HSPA14: variants seen among roughly 807,000 people sequenced by gnomAD.
HSPA14 encodes heat shock protein family A (Hsp70) member 14.
Under a neutral mutation model 65.5 loss-of-function variants are expected in HSPA14, and 37 were observed. That is an observed-to-expected ratio of 0.56 (90% CI 0.43 to 0.74). The LOEUF (loss-of-function observed/expected upper bound fraction) is 0.74, where lower values mean the gene tolerates loss of function less well. HSPA14 is among the 30% of genes least tolerant of loss of function. The pLI, the probability that HSPA14 is intolerant of heterozygous loss-of-function variation, is 0.00. For missense variants in HSPA14, 564 were observed against 607.6 expected (o/e 0.93, Z 0.75); for synonymous variants, 203 against 214.2 (o/e 0.95, Z 0.46).
chr10:14,862,389 T>TTA (rs1832758331), intron 10 of HSPA14, among the ~76,000 whole-genome samples: 2 of 149,338 alleles, frequency 1.3e-5, no homozygotes, highest in South Asian at 4.2e-4. Context: ...TTTTTTTTTT[T>TTA]TTTGAGACGG....
At chr10:14,866,339 T>C (rs970325913) in intron 10 of HSPA14, among the ~76,000 whole-genome samples, 3 of 152,186 alleles carry the variant, frequency 2.0e-5, no homozygotes, top group Non-Finnish European at 4.4e-5. Context: ...GAGGCCTAGC[T>C]TTCATCAGGT....
chr10:14,847,937 C>T (rs939137563), intron 3 of HSPA14, among the ~76,000 whole-genome samples: 1 of 152,210 alleles, frequency 6.6e-6, no homozygotes, highest in African/African-American at 2.4e-5. Flanking sequence ...GGCTCACGTA[C>T]TGACTCTGCC....
chr10:14,871,383 TTG>T lies in HSPA14; in HGVS notation c.1452-141_1452-140del, dbSNP rs878877258. 13 of 577,512 alleles carry T rather than the reference TTG, an allele frequency of 2.3e-5. 1 individual carries two copies. In the South Asian group the frequency reaches 2.3e-4, roughly 10 times the overall value. 35.8% of individuals were successfully genotyped at this position (577,512 alleles called of 1,614,324 possible). On this transcript the variant is annotated intron_variant, in intron 13 of 13. Transcript: ENST00000378372. ...CTTACTAAATTTAGAGACACTGAGATTGTGTTTATTCTTTACATTAATACCCT... is the reference window on the plus strand; with the variant it reads ...CTTACTAAATTTAGAGACACTGAGATTGTTTATTCTTTACATTAATACCCT...
intron 3 of HSPA14, among the ~76,000 whole-genome samples, chr10:14,847,775 A>G (rs1424888722): frequency 6.6e-6 from 1 of 152,248 alleles, no homozygotes; most frequent in Non-Finnish European, 1.5e-5. Flanking sequence ...AAAGGATACT[A>G]GTCTATTTTA....
At chr10:14,849,575 AAG>A (rs1834091853) in intron 5 of HSPA14, 144 bp from the exon 6 acceptor site, 1 of 713,390 alleles carries the variant, frequency 1.4e-6, no homozygotes, top group Non-Finnish European at 2.6e-6. Context: ...GAGCGCAGAG[AAG>A]AAAATTGACA....
rs1340737341 is a variant in HSPA14, at chr10:14,839,959, G to T, written c.112G>T (p.Val38Phe). The T allele has an allele frequency of 6.2e-7, 1 of 1,612,026 alleles. No homozygotes were observed. Residue 38 changes from valine (V) to phenylalanine (F), a missense_variant, in exon 2 of 14, where the codon GTT becomes TTT. Transcript: ENST00000378372. ...TGCCGGTGACCGAGTTACTCCAGCT[G>T]TTGTTGCTTACTCAGAAAATGAAGA... ...NDAGDRVTPA[V>F]VAYSENEEIV...
chr10:14,859,554 G>A (rs1832735050), intron 10 of HSPA14, among the ~76,000 whole-genome samples: 1 of 152,258 alleles, frequency 6.6e-6, no homozygotes, highest in East Asian at 1.9e-4. Context: ...AAATGAATAT[G>A]GTTAATCCCT....
chr10:14,858,741 G>C (rs1029499671), intron 10 of HSPA14, among the ~76,000 whole-genome samples: 6 of 152,146 alleles, frequency 3.9e-5, no homozygotes, highest in Non-Finnish European at 8.8e-5. Flanking sequence ...TGAATGATAG[G>C]GATTTACATG....
chr10:14,838,335 T>C lies in HSPA14; in HGVS notation c.-68T>C, dbSNP rs1833917056. The C allele has an allele frequency of 9.4e-6, 14 of 1,485,350 alleles. No individual in the cohort carries two copies. Among genetic ancestry groups the C allele is most frequent in the Non-Finnish European group, 1.3e-5 (14 of 1,093,822 alleles). 92.0% of individuals were successfully genotyped at this position (1,485,350 alleles called of 1,614,324 possible). ...AGCTCCGCGGTGCCTGATGGGGCCGTTGGGCGGCCGGTAGCTGTTGCTGTT... is the reference window on the plus strand; with the variant it reads ...AGCTCCGCGGTGCCTGATGGGGCCGCTGGGCGGCCGGTAGCTGTTGCTGTT... On this transcript the variant is annotated 5_prime_UTR_variant, in exon 1 of 14. Transcript: ENST00000378372.
chr10:14,853,992 A>T, intron 8 of HSPA14, 133 bp from the exon 9 acceptor site: 2 of 764,424 alleles, frequency 2.6e-6, no homozygotes, highest in Non-Finnish European at 4.0e-6. Context: ...AGTTGGGATT[A>T]CACGCGTGAG....
At chr10:14,840,815 T>C (rs2131634294) in intron 3 of HSPA14, among the ~76,000 whole-genome samples, 1 of 152,334 alleles carries the variant, frequency 6.6e-6, no homozygotes, top group South Asian at 2.1e-4. Context: ...ATTTTCAAAG[T>C]GCTTTCACAT....
chr10:14,861,882 C>G (rs1588817689), intron 10 of HSPA14, among the ~76,000 whole-genome samples: 1 of 151,478 alleles, frequency 6.6e-6, no homozygotes, highest in Non-Finnish European at 1.5e-5. Flanking sequence ...CGTGATGGTG[C>G]GCGCCTGTAG....
intron 9 of HSPA14, among the ~76,000 whole-genome samples, chr10:14,855,176 CAA>C (rs1022363167): frequency 6.6e-5 from 10 of 152,032 alleles, no homozygotes; most frequent in Admixed American, 5.2e-4. Context: ...GCCTTTGTCA[CAA>C]AGATTTCAAC....
At chr10:14,855,747 GAA>G (rs1564323742) in intron 9 of HSPA14, 92 bp from the exon 10 acceptor site, 4 of 642,574 alleles carry the variant, frequency 6.2e-6, no homozygotes, top group Admixed American at 3.0e-5. Context: ...ACAAGAAAAA[GAA>G]AAGTGATATT....
In HSPA14 at chr10:14,848,822, A is replaced by G. The variant is rs765131686; in HGVS notation, c.303A>G (p.Glu101=). The change falls in exon 5 of 14, where the codon GAA becomes GAG. Residue 101 remains glutamate, a synonymous_variant. Transcript: ENST00000378372. ...AAAAAAATGGGAAATTACGATATGA[A>G]ATAGATACTGGAGAAGAAACAAAAT... ...VIEKNGKLRY[E]IDTGEETKFV... The G allele has an allele frequency of 3.3e-5, 53 of 1,589,720 alleles. No homozygotes were observed. The African/African-American group carries it at 6.5e-4, about 19-fold the overall frequency.
Position 14,870,136 on chromosome 10 carries a change from T to C in HSPA14, c.1381-461T>C, listed in dbSNP as rs578071280. 2.6e-5 allele frequency among the ~76,000 whole-genome samples: 4 copies of C among 152,298 alleles called. No homozygotes were observed. In the South Asian group the frequency reaches 8.3e-4, roughly 32 times the overall value. ...CATCTCTTACTTACAAATATAATCTTAGTTGTACAAAAGAGTTTGCCATGT... is the reference window on the plus strand; with the variant it reads ...CATCTCTTACTTACAAATATAATCTCAGTTGTACAAAAGAGTTTGCCATGT... On this transcript the variant is annotated intron_variant, in intron 12 of 13. Coordinates refer to ENST00000378372, the MANE Select transcript of HSPA14 (RefSeq NM_016299.4).
rs753385166 is a variant in HSPA14 at position 14,867,825 on chromosome 10, C to A, written c.1296C>A (p.Ala432=). ...CTCGAAGACAACACACATTGCAAGC[C>A]CCTGGAAGCATATCTTCAGTGTGCC... The part of the protein sequence containing the change: ...LPARRQHTLQ[A]PGSISSVCLE... The change falls in exon 12 of 14, where the codon GCC becomes GCA. Residue 432 remains alanine, a synonymous_variant. Coordinates refer to ENST00000378372, the MANE Select transcript of HSPA14 (RefSeq NM_016299.4). 6.2e-7 allele frequency: 1 copy of A among 1,614,068 alleles called. No individual in the cohort carries two copies. The highest frequency in any genetic ancestry group is 1.3e-5 in the African/African-American group (1 of 75,018).
intron 9 of HSPA14, 116 bp from the exon 10 acceptor site, chr10:14,855,725 G>T: frequency 3.4e-6 from 2 of 586,282 alleles, no homozygotes; most frequent in Non-Finnish European, 6.0e-6. Flanking sequence ...TTAAGTTTTG[G>T]CATTACTCTT....
At chr10:14,852,231 CTA>C in intron 7 of HSPA14, 137 bp from the exon 8 acceptor site, 1 of 679,426 alleles carries the variant, frequency 1.5e-6, no homozygotes, top group Non-Finnish European at 2.5e-6. Context: ...CAATAAGTGA[CTA>C]TAGACAACTT....
Sources: gnomAD v4.1 joint callset for allele counts (sites outside exome capture counted in the v4.1 genomes callset) on GRCh38, gnomAD v4.1.1 for gene constraint, MANE v1.5 for transcripts, NCBI Gene and HGNC (gene_info 2026-07-23, HGNC 2026-07-21) for gene names.